The following TLK2 variants were observed in gnomAD, a reference collection of about 807,000 sequenced individuals.
TLK2 encodes the protein tousled like kinase 2, also known as serine/threonine-protein kinase tousled-like 2.
In TLK2, 6 loss-of-function variants were observed where a neutral mutation model predicts 117.3. That is an observed-to-expected ratio of 0.05 (90% CI 0.03 to 0.10). The LOEUF (loss-of-function observed/expected upper bound fraction) is 0.10. Ranked by LOEUF, TLK2 falls within the 10% of genes least tolerant of loss-of-function variation. The probability of loss-of-function intolerance (pLI) is 1.00; values close to 1 mark genes in which losing one functional copy is unlikely to be tolerated. For missense variants in TLK2, 299 were observed against 901.2 expected (o/e 0.33, Z 8.56); for synonymous variants, 257 against 316.7 (o/e 0.81, Z 2.00).
intron 2 of TLK2, among the ~76,000 whole-genome samples, chr17:62,519,156 A>C (rs2075851525): frequency 6.6e-6 from 1 of 152,190 alleles, no homozygotes; most frequent in Non-Finnish European, 1.5e-5. Flanking sequence ...GAGTGCTGGG[A>C]TTATAGGAGT....
intron 2 of TLK2, among the ~76,000 whole-genome samples, chr17:62,504,025 C>T (rs1476694495): frequency 6.6e-6 from 1 of 152,146 alleles, no homozygotes; most frequent in African/African-American, 2.4e-5. Context: ...TGAGCCACCA[C>T]GCTCGGCCAG....
At chr17:62,504,459 C>T (rs1291025578) in intron 2 of TLK2, among the ~76,000 whole-genome samples, 3 of 152,030 alleles carry the variant, frequency 2.0e-5, no homozygotes, top group African/African-American at 7.3e-5. Flanking sequence ...TTGATCATAC[C>T]CTTGGACCAT....
rs1342853229 is a variant in TLK2 at position 62,516,352 on chromosome 17, A to G, written c.82-4421A>G. On this transcript the variant is annotated intron_variant, in intron 2 of 21. Transcript: ENST00000346027. Reference sequence around the variant, plus strand: ...AGGTGGCTGACCACGTCCACAACCAAATCCGCCTCTAAACTAGAATTCGGT... The same window carrying G: ...AGGTGGCTGACCACGTCCACAACCAGATCCGCCTCTAAACTAGAATTCGGT... 8 of 1,519,270 alleles carry G rather than the reference A, an allele frequency of 5.3e-6. No homozygotes were observed. The African/African-American group carries it at 8.2e-5, about 16-fold the overall frequency. 94.1% of individuals were successfully genotyped at this position (1,519,270 alleles called of 1,614,324 possible).
At position 62,490,355 on chromosome 17, in the gene TLK2, A is replaced by G. The variant is rs192778239; in HGVS notation, c.81+9149A>G. ...TTCTCTTTAGATTTGCCTAATCTAC[A>G]TAAACCTATACGTTGAAATTTTATA... On this transcript the variant is annotated intron_variant, in intron 2 of 21. Transcript: ENST00000346027. 6.5e-4 allele frequency among the ~76,000 whole-genome samples: 99 copies of G among 152,276 alleles called. 1 individual carries two copies. The highest frequency in any genetic ancestry group is 2.3e-3 in the African/African-American group (96 of 41,544).
chr17:62,518,755 A>G (rs1040181683), intron 2 of TLK2, among the ~76,000 whole-genome samples: 2 of 152,156 alleles, frequency 1.3e-5, no homozygotes, highest in African/African-American at 4.8e-5. Context: ...AAGAAGAACA[A>G]TTCAGTAAAG....
chr17:62,515,671 G>A (rs2075521054), intron 2 of TLK2, among the ~76,000 whole-genome samples: 1 of 151,882 alleles, frequency 6.6e-6, no homozygotes, highest in South Asian at 2.1e-4. Flanking sequence ...TTTTTTCATT[G>A]GGTTGTTTAT....
intron 7 of TLK2, among the ~76,000 whole-genome samples, chr17:62,547,212 T>G (rs1327201595): frequency 6.6e-6 from 1 of 152,218 alleles, no homozygotes; most frequent in East Asian, 1.9e-4. Context: ...GAATTATCTT[T>G]TAACTCTTAT....
chr17:62,581,294 C>T (rs1357193983), intron 15 of TLK2, among the ~76,000 whole-genome samples: 1 of 152,170 alleles, frequency 6.6e-6, no homozygotes, highest in East Asian at 1.9e-4. Context: ...TGAGACACTG[C>T]ACCCAGCTGT....
intron 2 of TLK2, among the ~76,000 whole-genome samples, chr17:62,482,941 A>G (rs867760947): frequency 6.6e-6 from 1 of 152,168 alleles, no homozygotes; most frequent in Non-Finnish European, 1.5e-5. Context: ...GATTTGTTAC[A>G]TATTCTTAAT....
intron 18 of TLK2, among the ~76,000 whole-genome samples, chr17:62,601,745 C>G (rs1397264038): frequency 6.6e-6 from 1 of 152,168 alleles, no homozygotes; most frequent in African/African-American, 2.4e-5. Context: ...AGTTTCCCAT[C>G]AGTTTTGACC....
chr17:62,538,426 A>C (rs1335448266), intron 7 of TLK2, among the ~76,000 whole-genome samples: 2 of 152,210 alleles, frequency 1.3e-5, no homozygotes, highest in Admixed American at 1.3e-4. Context: ...TTAAGGCATT[A>C]AAATGACCTC....
chr17:62,574,675 C>T (rs2146647354), intron 12 of TLK2, among the ~76,000 whole-genome samples: 1 of 152,136 alleles, frequency 6.6e-6, no homozygotes, highest in Non-Finnish European at 1.5e-5. Context: ...ACCACCATGC[C>T]CAGCTAGTTT....
chr17:62,569,016 A>G (rs900805683), intron 11 of TLK2, among the ~76,000 whole-genome samples: 1 of 95,604 alleles, frequency 1.0e-5, no homozygotes, highest in Non-Finnish European at 2.2e-5. Context: ...TAAAAATCTC[A>G]TCTGGGCTGG....
intron 2 of TLK2, among the ~76,000 whole-genome samples, chr17:62,517,989 C>T (rs939273295): frequency 2.6e-5 from 4 of 152,222 alleles, no homozygotes; most frequent in Middle Eastern, 3.2e-3. Flanking sequence ...TGAGCCATTG[C>T]GTCCGGCATG....
At chr17:62,596,711 A>AT (rs1207538195) in intron 17 of TLK2, 37 bp downstream of exon 17, 14 of 1,568,250 alleles carry the variant, frequency 8.9e-6, no homozygotes, top group Non-Finnish European at 1.2e-5. Context: ...CAGTTATATT[A>AT]TTTTCTTGCA....
chr17:62,585,211 G>T (rs2081523110), intron 15 of TLK2, among the ~76,000 whole-genome samples: 1 of 152,220 alleles, frequency 6.6e-6, no homozygotes, highest in African/African-American at 2.4e-5. Flanking sequence ...CTGGAGAAGT[G>T]ACTTGGGGTG....
intron 2 of TLK2, among the ~76,000 whole-genome samples, chr17:62,484,132 T>A: frequency 6.6e-6 from 1 of 152,006 alleles, no homozygotes; most frequent in Non-Finnish European, 1.5e-5. Context: ...TAAGTAGTCG[T>A]ATGTTACTTT....
intron 12 of TLK2, among the ~76,000 whole-genome samples, chr17:62,575,200 C>A (rs2080684371): frequency 6.6e-6 from 1 of 152,184 alleles, no homozygotes; most frequent in Non-Finnish European, 1.5e-5. Context: ...TGTGTAAAAT[C>A]CAATCTGGAA....
chr17:62,611,967 G>A (rs534045151), intron 21 of TLK2: 1 of 154,434 alleles, frequency 6.5e-6, no homozygotes, highest in South Asian at 2.0e-4. Context: ...ACTTCATATG[G>A]TGACAGAATT....
Sources: gnomAD v4.1 joint callset for allele counts (sites outside exome capture counted in the v4.1 genomes callset) on GRCh38, gnomAD v4.1.1 for gene constraint, MANE v1.5 for transcripts, NCBI Gene and HGNC (gene_info 2026-07-23, HGNC 2026-07-21) for gene names.